The following TMEM74 variants were observed in gnomAD, a reference collection of about 807,000 sequenced individuals.
TMEM74 encodes transmembrane protein 74.
Under a neutral mutation model 18.1 loss-of-function variants are expected in TMEM74, and 13 were observed. That is an observed-to-expected ratio of 0.72 (90% CI 0.47 to 1.14). The LOEUF is 1.14. Among genes scored for constraint, TMEM74 ranks in the 50% most tolerant of loss-of-function variants. The pLI is 0.00. For missense variants in TMEM74, 372 were observed against 375.9 expected, an observed-to-expected ratio of 0.99 and a Z score of 0.09; for synonymous variants, 159 against 146.6, an observed-to-expected ratio of 1.08 and a Z score of -0.61.
intron 1 of TMEM74, among the ~76,000 whole-genome samples, chr8:108,662,495 T>C (rs1812910369): frequency 6.6e-6 from 1 of 152,182 alleles, no homozygotes; most frequent in Non-Finnish European, 1.5e-5. Flanking sequence ...TTGTGTTACA[T>C]AATGCCCTTC....
intron 1 of TMEM74, among the ~76,000 whole-genome samples, chr8:108,734,149 C>T (rs1377277109): frequency 6.6e-6 from 1 of 152,008 alleles, no homozygotes; most frequent in Non-Finnish European, 1.5e-5. Context: ...TAGCAGGAGG[C>T]CTGAATAGAT....
chr8:108,615,902 T>C (rs1184383139), intron 2 of TMEM74, among the ~76,000 whole-genome samples: 1 of 141,340 alleles, frequency 7.1e-6, no homozygotes, highest in Non-Finnish European at 1.5e-5. Context: ...TTCTCCTGCC[T>C]CAGCCTCCTG....
At position 108,784,300 on chromosome 8, in the gene TMEM74, A is replaced by G. The variant is rs201373902; in HGVS notation, c.799T>C (p.Ser267Pro). The G allele has an allele frequency of 1.6e-4, 264 of 1,613,972 alleles. No homozygotes were observed. Among genetic ancestry groups the G allele is most frequent in the Non-Finnish European group, 2.1e-4 (244 of 1,180,034 alleles). Residue 267 changes from serine to proline, a missense_variant, in exon 2 of 2, where the codon TCT becomes CCT. Transcript: ENST00000297459. Reference protein sequence around the residue: ...GELYRRNRFASSKESAKLYGS... With the variant: ...GELYRRNRFAPSKESAKLYGS... The stretch of plus-strand genomic sequence containing the variant: ...TAGAGTTTTGCAGACTCTTTGGAAG[A>G]GGCAAATCTGTTTCGACGATAGAGC...
At chr8:108,658,380 T>C (rs891372393) in intron 1 of TMEM74, among the ~76,000 whole-genome samples, 3 of 152,104 alleles carry the variant, frequency 2.0e-5, no homozygotes, top group African/African-American at 7.2e-5. Flanking sequence ...TTTTATGTCA[T>C]GTGCTTACCT....
At chr8:108,634,688 G>A (rs1812589656) in intron 2 of TMEM74, among the ~76,000 whole-genome samples, 2 of 151,966 alleles carry the variant, frequency 1.3e-5, no homozygotes, top group Admixed American at 6.6e-5. Flanking sequence ...GGCATGTGGG[G>A]AAAGAGTTTC....
chr8:108,741,238 G>C (rs1389511557), intron 1 of TMEM74, among the ~76,000 whole-genome samples: 2 of 152,130 alleles, frequency 1.3e-5, no homozygotes, highest in Non-Finnish European at 1.5e-5. Context: ...TCTTTGCAGA[G>C]GAGAGAAAAG....
intron 2 of TMEM74, among the ~76,000 whole-genome samples, chr8:108,640,279 A>C (rs991390623): frequency 6.6e-6 from 1 of 150,824 alleles, no homozygotes; most frequent in Admixed American, 6.6e-5. Flanking sequence ...ATTACAGGCA[A>C]ATTTTTGTGT....
chr8:108,665,154 A>G (rs1812936498), intron 1 of TMEM74, among the ~76,000 whole-genome samples: 2 of 152,160 alleles, frequency 1.3e-5, no homozygotes, highest in African/African-American at 4.8e-5. Flanking sequence ...GAGAGGTTAC[A>G]GCATTTGAAA....
chr8:108,742,485 G>C lies in TMEM74; in HGVS notation n.119+44991C>G, dbSNP rs577435953. On this transcript the variant is annotated intron_variant and non_coding_transcript_variant, in intron 1 of 3. Coordinates refer to the TMEM74 transcript ENST00000518838. ...ACGAAGCATAGTTCTCAACACTGTG[G>C]CTACATTAGATTCTGACAGCGAATC... Among the ~76,000 whole-genome samples the C allele has an allele frequency of 7.9e-5, 12 of 152,184 alleles. No homozygotes were observed. In the South Asian group the frequency reaches 2.3e-3, roughly 29 times the overall value.
intron 1 of TMEM74, among the ~76,000 whole-genome samples, chr8:108,765,330 G>A (rs1361255709): frequency 2.6e-5 from 4 of 151,550 alleles, no homozygotes; most frequent in Non-Finnish European, 5.9e-5. Context: ...CATCATCCTG[G>A]ACTTTAAGGG....
chr8:108,754,885 G>A (rs1813941665), intron 1 of TMEM74, among the ~76,000 whole-genome samples: 1 of 151,920 alleles, frequency 6.6e-6, no homozygotes, highest in Admixed American at 6.6e-5. Context: ...CCCAGCTTAG[G>A]AGTAAGGCAG....
At chr8:108,701,600 A>G (rs1813335769) in intron 1 of TMEM74, among the ~76,000 whole-genome samples, 1 of 152,246 alleles carries the variant, frequency 6.6e-6, no homozygotes, top group African/African-American at 2.4e-5. Flanking sequence ...TATACCAGCA[A>G]TGAACAACTG....
chr8:108,702,826 C>T (rs1398172204), intron 1 of TMEM74, among the ~76,000 whole-genome samples: 1 of 137,318 alleles, frequency 7.3e-6, no homozygotes, highest in Non-Finnish European at 1.5e-5. Context: ...CATGAAATAA[C>T]TTATTGGTAA....
intron 2 of TMEM74, among the ~76,000 whole-genome samples, chr8:108,627,067 T>G (rs1371166917): frequency 6.6e-6 from 1 of 152,084 alleles, no homozygotes; most frequent in African/African-American, 2.4e-5. Context: ...TGTGTAAAAA[T>G]AATTCAAAAT....
At chr8:108,778,399 C>T (rs7827260), downstream of TMEM74, among the ~76,000 whole-genome samples, 3,639 of 152,196 alleles carry the variant, frequency 0.024, 143 homozygotes, top group African/African-American at 0.083. Context: ...TGACTGCTGA[C>T]CTGCAAGGGT....
intron 1 of TMEM74, among the ~76,000 whole-genome samples, chr8:108,719,222 C>T (rs955884255): frequency 6.6e-6 from 1 of 152,150 alleles, no homozygotes; most frequent in African/African-American, 2.4e-5. Context: ...AACACACAAA[C>T]ATTTACAAAA....
At chr8:108,710,959 C>T (rs912234745) in intron 1 of TMEM74, among the ~76,000 whole-genome samples, 4 of 152,194 alleles carry the variant, frequency 2.6e-5, no homozygotes, top group Admixed American at 6.5e-5. Flanking sequence ...TATATGCCTG[C>T]GCTCTAAAAT....
rs372072960 is a variant in TMEM74, at chr8:108,784,324, G to A, written c.775C>T (p.Leu259Phe). ...LLMMSMWKGE[L>F]YRRNRFASSK... ...GAGGCAAATCTGTTTCGACGATAGAGCTCCCCCTTCCACATGGACATCATT... is the reference window on the plus strand; with the variant it reads ...GAGGCAAATCTGTTTCGACGATAGAACTCCCCCTTCCACATGGACATCATT... The change falls in exon 2 of 2, where the codon CTC (leucine) becomes TTC (phenylalanine). Residue 259 changes from leucine to phenylalanine, a missense_variant. Transcript: ENST00000297459. 6.2e-7 allele frequency: 1 copy of A among 1,613,932 alleles called. No individual in the cohort carries two copies. The highest frequency in any genetic ancestry group is 8.5e-7 in the Non-Finnish European group (1 of 1,180,038).
chr8:108,704,488 G>A (rs759910368), intron 1 of TMEM74, among the ~76,000 whole-genome samples: 10 of 152,132 alleles, frequency 6.6e-5, no homozygotes, highest in Non-Finnish European at 1.2e-4. Flanking sequence ...ATAGATTTCT[G>A]GGGAAGGATG....
Sources: allele counts gnomAD v4.1 joint callset (sites outside exome capture counted in the v4.1 genomes callset), GRCh38; gene constraint gnomAD v4.1.1; transcripts MANE v1.5; gene names NCBI Gene and HGNC (gene_info 2026-07-23, HGNC 2026-07-21).